Variants in CEP192 observed in about 807,000 individuals in gnomAD.
CEP192 encodes the protein centrosomal protein 192, also known as centrosomal protein of 192 kDa.
A neutral mutation model predicts 271.8 loss-of-function variants in CEP192; 151 were observed. The observed-to-expected ratio is 0.56, with a 90% CI of 0.49 to 0.64. The LOEUF (loss-of-function observed/expected upper bound fraction) is 0.64. Ranked by LOEUF, CEP192 falls within the 30% of genes least tolerant of loss-of-function variation. The pLI, the probability that CEP192 is intolerant of heterozygous loss-of-function variation, is 0.00. For missense variants in CEP192, 2,910 were observed against 3,020.5 expected (o/e 0.96, Z 0.86); for synonymous variants, 995 against 1,076.5 (o/e 0.92, Z 1.48).
intron 1 of CEP192, among the ~76,000 whole-genome samples, chr18:12,994,315 A>C: frequency 6.6e-6 from 1 of 152,162 alleles, no homozygotes. Context: ...GGTGAACGTC[A>C]GGAAGGAGCT....
At chr18:13,098,306 TGGCCTGGCG>T in intron 36 of CEP192, among the ~76,000 whole-genome samples, 1 of 151,208 alleles carries the variant, frequency 6.6e-6, no homozygotes, top group Non-Finnish European at 1.5e-5. Flanking sequence ...ATGGGGCGGC[TGGCCTGGCG>T]GGGGCTGACC....
At chr18:13,107,255 A>C (rs571784) in intron 40 of CEP192, among the ~76,000 whole-genome samples, 3,922 of 152,316 alleles carry the variant, frequency 0.026, 172 homozygotes, top group African/African-American at 0.089. Flanking sequence ...TTAGCTACTC[A>C]AGAGGCTGAG....
intron 6 of CEP192, among the ~76,000 whole-genome samples, chr18:13,015,745 A>G (rs1181794527): frequency 6.6e-6 from 1 of 151,762 alleles, no homozygotes; most frequent in African/African-American, 2.4e-5. Context: ...GGGAACCATG[A>G]AATTTTTTTT....
chr18:13,095,536 C>A lies in CEP192; in HGVS notation c.6288C>A (p.Asn2096Lys), dbSNP rs775126733. 4 of 1,612,716 alleles carry A rather than the reference C, an allele frequency of 2.5e-6. No individual in the cohort carries two copies. The African/African-American group carries it at 4.0e-5, about 16-fold the overall frequency. The part of the protein sequence containing the change: ...DLGASGKHGG[N>K]VSLDVLPVKG... ...GAGCTTCTGGGAAACATGGTGGCAACGTCTCTTTGGATGTTTTACCAGTCA... is the reference window on the plus strand; with the variant it reads ...GAGCTTCTGGGAAACATGGTGGCAAAGTCTCTTTGGATGTTTTACCAGTCA... Residue 2096 changes from asparagine to lysine, a missense_variant, in exon 35 of 45, where the codon AAC becomes AAA. Coordinates refer to ENST00000506447, the MANE Select transcript of CEP192 (RefSeq NM_032142.4).
At chr18:13,057,554 G>A (rs746884770) in intron 19 of CEP192, 31 bp from the exon 20 acceptor site, 8 of 1,604,648 alleles carry the variant, frequency 5.0e-6, no homozygotes, top group Non-Finnish European at 6.8e-6. Flanking sequence ...GCTGTAACTT[G>A]CATTTTTGAC....
chr18:13,077,477 A>G (rs961981779), intron 30 of CEP192, among the ~76,000 whole-genome samples: 3 of 152,226 alleles, frequency 2.0e-5, no homozygotes, highest in African/African-American at 4.8e-5. Flanking sequence ...ATGAAAGATA[A>G]TTTTTAAAGG....
chr18:13,004,014 A>C (rs1015412357), intron 3 of CEP192, among the ~76,000 whole-genome samples: 3 of 152,218 alleles, frequency 2.0e-5, no homozygotes, highest in African/African-American at 7.2e-5. Context: ...GCATCCTGGA[A>C]GCCATGTCAA....
chr18:13,052,898 T>TTACCA (rs2036874587), intron 17 of CEP192, 21 bp from the exon 18 acceptor site: 1 of 1,163,326 alleles, frequency 8.6e-7, no homozygotes, highest in Non-Finnish European at 1.1e-6. Flanking sequence ...ACTCCAGGTG[T>TTACCA]GAGCTACTCT....
chr18:13,050,464 T>C (rs947872718), intron 17 of CEP192, among the ~76,000 whole-genome samples: 76 of 152,228 alleles, frequency 5.0e-4, no homozygotes, highest in African/African-American at 1.4e-3. Context: ...GTTCAGCTAG[T>C]GCTCAATGTC....
intron 1 of CEP192, among the ~76,000 whole-genome samples, chr18:12,995,760 G>T (rs928427021): frequency 3.9e-5 from 6 of 152,342 alleles, no homozygotes; most frequent in African/African-American, 7.2e-5. Context: ...AGGAGGCAAG[G>T]CCTGACAGCT....
chr18:13,074,900 T>G (rs1002013616), intron 30 of CEP192, among the ~76,000 whole-genome samples: 1 of 152,208 alleles, frequency 6.6e-6, no homozygotes, highest in African/African-American at 2.4e-5. Context: ...AATTTGGTTG[T>G]GAGGAACAAA....
chr18:13,044,869 A>G (rs1175673065), intron 15 of CEP192, among the ~76,000 whole-genome samples: 1 of 152,154 alleles, frequency 6.6e-6, no homozygotes, highest in East Asian at 1.9e-4. Flanking sequence ...TTGGTAGAAT[A>G]CATTGGTGAA....
chr18:13,119,210 A>G (rs2040559509), intron 44 of CEP192, among the ~76,000 whole-genome samples: 1 of 152,236 alleles, frequency 6.6e-6, no homozygotes, highest in Non-Finnish European at 1.5e-5. Flanking sequence ...GTACAAATAG[A>G]TACTGAATAA....
chr18:13,089,592 A>T (rs1200058361), intron 33 of CEP192, 27 bp downstream of exon 33: 1 of 1,131,830 alleles, frequency 8.8e-7, no homozygotes. Flanking sequence ...GTCTTGATGT[A>T]TTAAATCTTT....
chr18:13,094,837 A>C (rs770181405), intron 34 of CEP192, among the ~76,000 whole-genome samples: 3 of 152,124 alleles, frequency 2.0e-5, no homozygotes, highest in Non-Finnish European at 2.9e-5. Flanking sequence ...GTGCCTTTCC[A>C]CATTTATACC....
chr18:13,033,888 TAAAAC>T (rs1478526894), intron 11 of CEP192, among the ~76,000 whole-genome samples: 6 of 152,170 alleles, frequency 3.9e-5, no homozygotes, highest in Non-Finnish European at 5.9e-5. Flanking sequence ...AATGGAAAGA[TAAAAC>T]AAGATACTGA....
chr18:13,110,763 AACTG>A (rs757455645), intron 40 of CEP192, among the ~76,000 whole-genome samples: 7 of 152,240 alleles, frequency 4.6e-5, no homozygotes, highest in Non-Finnish European at 7.3e-5. Flanking sequence ...TCTGTGGCCA[AACTG>A]ACTATCAGAG....
chr18:13,107,918 A>C (rs2040031746), intron 40 of CEP192, among the ~76,000 whole-genome samples: 1 of 151,780 alleles, frequency 6.6e-6, no homozygotes, highest in Admixed American at 6.6e-5. Flanking sequence ...GGCTACAGTA[A>C]CCATAACAGC....
intron 30 of CEP192, among the ~76,000 whole-genome samples, chr18:13,075,687 G>T (rs2038233695): frequency 6.6e-6 from 1 of 152,152 alleles, no homozygotes; most frequent in Non-Finnish European, 1.5e-5. Flanking sequence ...TATAGTTACT[G>T]TTATAGCAAC....
Sources: allele counts gnomAD v4.1 joint callset (sites outside exome capture counted in the v4.1 genomes callset), GRCh38; gene constraint gnomAD v4.1.1; transcripts MANE v1.5; gene names NCBI Gene and HGNC (gene_info 2026-07-23, HGNC 2026-07-21).